C12orf50: variants seen among roughly 807,000 people sequenced by gnomAD.
The protein encoded by C12orf50 is zinc finger CCCH-type containing 11D.
In C12orf50, 35 loss-of-function variants were observed where a neutral mutation model predicts 61.6. That is an observed-to-expected ratio of 0.57 (90% confidence interval 0.43 to 0.75). The LOEUF is 0.75. Among genes scored for constraint, C12orf50 ranks in the 30% least tolerant of loss-of-function variants. The probability of loss-of-function intolerance (pLI) is 0.00; values close to 1 mark genes in which losing one functional copy is unlikely to be tolerated. For missense variants in C12orf50, 475 were observed against 488.5 expected (o/e 0.97, Z 0.26); for synonymous variants, 178 against 161.5 (o/e 1.10, Z -0.77).
chr12:88,028,898 C>A (rs1330368851), intron 1 of C12orf50, among the ~76,000 whole-genome samples: 2 of 152,032 alleles, frequency 1.3e-5, no homozygotes, highest in Non-Finnish European at 2.9e-5. Flanking sequence ...CAGAGAAATT[C>A]AGTATGTCAA....
chr12:87,980,815 C>T (rs2030428166), intron 12 of C12orf50, among the ~76,000 whole-genome samples: 1 of 152,158 alleles, frequency 6.6e-6, no homozygotes, highest in African/African-American at 2.4e-5. Context: ...TATCCAACAA[C>T]ATTTTTCCAA....
At chr12:88,006,621 G>A (rs1380410156) in intron 3 of C12orf50, among the ~76,000 whole-genome samples, 1 of 152,142 alleles carries the variant, frequency 6.6e-6, no homozygotes. Flanking sequence ...AGGTAATTGA[G>A]GTCCTGTTAT....
intron 3 of C12orf50, among the ~76,000 whole-genome samples, chr12:88,008,220 C>A (rs985825514): frequency 6.6e-6 from 1 of 152,170 alleles, no homozygotes; most frequent in Admixed American, 6.5e-5. Context: ...TCCTCCAACC[C>A]TCTACCCTCT....
intron 12 of C12orf50, among the ~76,000 whole-genome samples, chr12:87,981,400 A>G (rs1318716525): frequency 1.3e-5 from 2 of 152,228 alleles, no homozygotes; most frequent in Non-Finnish European, 2.9e-5. Context: ...GGTTTCTTGA[A>G]ATTTAATGTG....
At chr12:88,002,757 A>G (rs930166481) in intron 3 of C12orf50, among the ~76,000 whole-genome samples, 1 of 151,630 alleles carries the variant, frequency 6.6e-6, no homozygotes, top group Non-Finnish European at 1.5e-5. Flanking sequence ...TATATGTTTC[A>G]TGTTCTGCTG....
At chr12:88,022,404 T>A (rs2032549705) in intron 3 of C12orf50, among the ~76,000 whole-genome samples, 1 of 152,168 alleles carries the variant, frequency 6.6e-6, no homozygotes, top group Non-Finnish European at 1.5e-5. Context: ...TCAGACTGAA[T>A]AAGCAAAAAC....
At chr12:87,987,145 A>T (rs1054230512) in intron 9 of C12orf50, among the ~76,000 whole-genome samples, 7 of 152,132 alleles carry the variant, frequency 4.6e-5, no homozygotes, top group Admixed American at 3.3e-4. Flanking sequence ...TGTAGACTAC[A>T]TTAGTTCTCT....
chr12:88,023,158 CA>C (rs1456009818), intron 3 of C12orf50, among the ~76,000 whole-genome samples: 3 of 152,024 alleles, frequency 2.0e-5, no homozygotes, highest in African/African-American at 7.3e-5. Context: ...CAAAAAAACA[CA>C]CATAGACCAA....
At chr12:88,024,847 G>C (rs2032643852) in intron 3 of C12orf50, among the ~76,000 whole-genome samples, 1 of 152,178 alleles carries the variant, frequency 6.6e-6, no homozygotes, top group Non-Finnish European at 1.5e-5. Context: ...ATGTCAAGAA[G>C]GAAGGGGTGA....
chr12:87,982,221 C>A (rs1042499752), intron 12 of C12orf50, among the ~76,000 whole-genome samples: 6 of 152,090 alleles, frequency 3.9e-5, no homozygotes, highest in Admixed American at 6.6e-5. Context: ...CCCCACCCCC[C>A]AAATTCAGTG....
rs1450158900 is a variant in C12orf50, at chr12:87,996,597, T to C, written c.339A>G (p.Arg113=). The change falls in exon 5 of 13, where the codon AGA becomes AGG. Residue 113 remains arginine (R), a synonymous_variant. Transcript: ENST00000298699. The part of the protein sequence containing the change: ...TKTPEEIEEK[R]AIKEMCYKSG... Reference sequence around the variant, plus strand: ...ATTTATAACACATCTCCTTTATTGCTCTTTTTTCTTCAATTTCTTCAGGGG... The same window carrying C: ...ATTTATAACACATCTCCTTTATTGCCCTTTTTTCTTCAATTTCTTCAGGGG... 1 of 1,609,910 alleles carries C rather than the reference T, an allele frequency of 6.2e-7. No individual in the cohort carries two copies. The highest frequency in any genetic ancestry group is 1.7e-5 in the Admixed American group (1 of 59,976).
In C12orf50 at chr12:87,986,382, A is replaced by G; in HGVS notation, c.852T>C (p.Phe284=). ...NDVQPVKKPH[F]KGVKKRKWIY... is the part of the protein sequence containing the mutation. Reference sequence around the variant, plus strand: ...TCCATTTTCTTTTCTTCACACCTTTAAAATGAGGCTTCTTCACTGGCTGGA... The same window carrying G: ...TCCATTTTCTTTTCTTCACACCTTTGAAATGAGGCTTCTTCACTGGCTGGA... Residue 284 remains phenylalanine, a synonymous_variant, in exon 10 of 13, where the codon TTT becomes TTC. Coordinates refer to ENST00000298699, the MANE Select transcript of C12orf50 (RefSeq NM_152589.3). 6.2e-7 allele frequency: 1 copy of G among 1,610,676 alleles called. No homozygotes were observed. The highest frequency in any genetic ancestry group is 2.2e-5 in the East Asian group (1 of 44,710).
At chr12:88,005,743 G>T (rs140350907) in intron 3 of C12orf50, among the ~76,000 whole-genome samples, 1 of 141,422 alleles carries the variant, frequency 7.1e-6, no homozygotes, top group Non-Finnish European at 1.5e-5. Context: ...CGGTTCAAGC[G>T]AGAATCCATG....
chr12:88,014,356 C>G (rs2032227791), intron 3 of C12orf50, among the ~76,000 whole-genome samples: 1 of 152,040 alleles, frequency 6.6e-6, no homozygotes, highest in Non-Finnish European at 1.5e-5. Context: ...GGCTGGAGTG[C>G]AGTGGCGCGA....
At chr12:87,999,766 G>C (rs1032145949) in intron 3 of C12orf50, among the ~76,000 whole-genome samples, 5 of 151,922 alleles carry the variant, frequency 3.3e-5, no homozygotes, top group African/African-American at 1.2e-4. Context: ...GTCAAAAAGT[G>C]GAAACAACCT....
At chr12:87,996,066 C>T (rs2031372818) in intron 6 of C12orf50, among the ~76,000 whole-genome samples, 1 of 152,092 alleles carries the variant, frequency 6.6e-6, no homozygotes, top group Non-Finnish European at 1.5e-5. Flanking sequence ...AAATCTAGAC[C>T]TCTTTGGCAG....
chr12:87,998,524 AAAG>A (rs2031516856), intron 3 of C12orf50, among the ~76,000 whole-genome samples: 1 of 152,192 alleles, frequency 6.6e-6, no homozygotes, highest in African/African-American at 2.4e-5. Context: ...AATATTGTTG[AAAG>A]AAGTTAAAGA....
intron 7 of C12orf50, among the ~76,000 whole-genome samples, chr12:87,991,929 G>A (rs1316123019): frequency 4.6e-5 from 7 of 152,110 alleles, no homozygotes; most frequent in South Asian, 2.1e-4. Flanking sequence ...GCAAACGTAC[G>A]CAGAGTGGTG....
rs561514348 is a variant in C12orf50, at chr12:87,983,375, A to T, written c.1127-180T>A. 220 of 389,654 alleles carry T rather than the reference A, an allele frequency of 5.6e-4. 5 individuals are homozygous for T. In the South Asian group the frequency reaches 0.011, roughly 19 times the overall value. The allele number at this position is 389,654 out of a possible 1,614,324, so 24.1% of individuals were successfully genotyped here. ...ATTAAGACCATTTAAGTTATAAGTG[A>T]GCATGTTTTTTTTTGTTTTTTTTAT... is the stretch of plus-strand genomic sequence containing the variant. On this transcript the variant is annotated intron_variant, in intron 11 of 12. Transcript: ENST00000298699.
Sources: gnomAD v4.1 joint callset for allele counts (sites outside exome capture counted in the v4.1 genomes callset) on GRCh38, gnomAD v4.1.1 for gene constraint, MANE v1.5 for transcripts, NCBI Gene and HGNC (gene_info 2026-07-23, HGNC 2026-07-21) for gene names.